Variants in FAM171B observed in about 807,000 individuals in gnomAD.
FAM171B encodes the protein protein FAM171B.
FAM171B carries 19 observed loss-of-function variants against 75.6 expected under a neutral mutation model. The observed-to-expected ratio is 0.25, with a 90% confidence interval of 0.18 to 0.37. FAM171B has a LOEUF of 0.37. Ranked by LOEUF, FAM171B falls within the 10% of genes least tolerant of loss-of-function variation. The pLI is 1.00. For missense variants in FAM171B, 848 were observed against 982.4 expected (o/e 0.86, Z 1.83); for synonymous variants, 367 against 361.7 (o/e 1.01, Z -0.17).
chr2:186,758,218 TGTTA>T (rs1690561194), intron 6 of FAM171B, among the ~76,000 whole-genome samples: 1 of 152,180 alleles, frequency 6.6e-6, no homozygotes, highest in Non-Finnish European at 1.5e-5. Context: ...TAGATATAAC[TGTTA>T]CTGCTCTGCA....
At chr2:186,739,363 T>A (rs544139389) in intron 1 of FAM171B, among the ~76,000 whole-genome samples, 1 of 152,336 alleles carries the variant, frequency 6.6e-6, no homozygotes, top group African/African-American at 2.4e-5. Context: ...TTCATAAACT[T>A]ACTGAAACTT....
intron 1 of FAM171B, among the ~76,000 whole-genome samples, chr2:186,699,038 C>T (rs1176535457): frequency 6.6e-6 from 1 of 152,152 alleles, no homozygotes; most frequent in Non-Finnish European, 1.5e-5. Context: ...TTAATGGACA[C>T]TTAGGTTGCT....
intron 7 of FAM171B, 78 bp downstream of exon 7, chr2:186,761,314 A>T (rs1047099110): frequency 6.6e-7 from 1 of 1,519,442 alleles, no homozygotes; most frequent in Non-Finnish European, 8.8e-7. Flanking sequence ...TGAAAAGTTT[A>T]TTTGTAGAAA....
In FAM171B at chr2:186,762,352, C is replaced by T; in HGVS notation, c.2010C>T (p.Pro670=). Residue 670 remains proline (P), a synonymous_variant, in exon 8 of 8, where the codon CCC becomes CCT. Coordinates refer to ENST00000304698, the MANE Select transcript of FAM171B (RefSeq NM_177454.4). The surrounding 1 kb of genome is among the most constrained non-coding windows in gnomAD (Gnocchi z 4.0). The part of the protein sequence containing the change: ...ELSKGKPSPH[P]RAWFVSLDGK... Reference sequence around the variant, plus strand: ...CCAAAGGAAAGCCCTCCCCGCATCCCAGAGCCTGGTTTGTGTCTCTTGATG... The same window carrying T: ...CCAAAGGAAAGCCCTCCCCGCATCCTAGAGCCTGGTTTGTGTCTCTTGATG... The T allele has an allele frequency of 6.2e-7, 1 of 1,613,738 alleles. No individual in the cohort carries two copies. Among genetic ancestry groups the T allele is most frequent in the South Asian group, 1.1e-5 (1 of 91,082 alleles).
At chr2:186,707,697 T>C (rs533062390) in intron 1 of FAM171B, among the ~76,000 whole-genome samples, 1 of 152,166 alleles carries the variant, frequency 6.6e-6, no homozygotes, top group South Asian at 2.1e-4. Context: ...TGACAGGTTT[T>C]GTGCCTCAGT....
At chr2:186,730,687 A>G (rs959342541) in intron 1 of FAM171B, among the ~76,000 whole-genome samples, 1 of 152,190 alleles carries the variant, frequency 6.6e-6, no homozygotes, top group Non-Finnish European at 1.5e-5. Flanking sequence ...ATTGCATGTG[A>G]AAAAAATAAA....
chr2:186,741,859 G>T (rs953405165), intron 2 of FAM171B, among the ~76,000 whole-genome samples: 1 of 152,072 alleles, frequency 6.6e-6, no homozygotes, highest in Non-Finnish European at 1.5e-5. Flanking sequence ...CAGTGGACAG[G>T]CGTTCATGCA....
intron 1 of FAM171B, among the ~76,000 whole-genome samples, chr2:186,708,146 C>T (rs533141411): frequency 6.6e-6 from 1 of 152,186 alleles, no homozygotes; most frequent in South Asian, 2.1e-4. Flanking sequence ...GAGCTGGCTT[C>T]TCCAGAGTAT....
Position 186,694,398 on chromosome 2 carries a change from C to T in FAM171B, c.225C>T (p.Thr75=), listed in dbSNP as rs777944272. 2 of 1,612,462 alleles carry T rather than the reference C, an allele frequency of 1.2e-6. No individual in the cohort carries two copies. Among genetic ancestry groups the T allele is most frequent in the Non-Finnish European group, 1.7e-6 (2 of 1,179,408 alleles). Residue 75 remains threonine, a synonymous_variant, in exon 1 of 8, where the codon ACC becomes ACT. Coordinates refer to ENST00000304698, the MANE Select transcript of FAM171B (RefSeq NM_177454.4). The stretch of plus-strand genomic sequence containing the variant: ...CAGAGGTGCCTGGGGCAACCTCCAC[C>T]TTGACGGTTCCAGGTAGGTCCTGGC... The part of the protein sequence containing the change: ...ERTEVPGATS[T]LTVPVSVFML...
chr2:186,694,458 C>T (rs767967408), intron 1 of FAM171B, 47 bp downstream of exon 1: 1 of 1,565,030 alleles, frequency 6.4e-7, no homozygotes, highest in Non-Finnish European at 8.7e-7. Flanking sequence ...GGCCGGCGAT[C>T]TCTTAGGGCC....
intron 6 of FAM171B, 58 bp from the exon 7 acceptor site, chr2:186,761,055 A>G (rs1289785449): frequency 2.6e-6 from 4 of 1,548,802 alleles, no homozygotes; most frequent in Non-Finnish European, 3.5e-6. Context: ...AGGATGTGAC[A>G]TAGTTGAGAA....
At chr2:186,727,770 T>C (rs1344646246) in intron 1 of FAM171B, among the ~76,000 whole-genome samples, 2 of 152,164 alleles carry the variant, frequency 1.3e-5, no homozygotes, top group Non-Finnish European at 2.9e-5. Flanking sequence ...GAAACCATGA[T>C]GGTTATGTTT....
chr2:186,694,066 T>G lies in FAM171B; in HGVS notation c.-108T>G. 1 of 1,349,764 alleles carries G rather than the reference T, an allele frequency of 7.4e-7. No individual in the cohort carries two copies. The highest frequency in any genetic ancestry group is 1.7e-5 in the South Asian group (1 of 58,264). 83.6% of individuals were successfully genotyped at this position (1,349,764 alleles called of 1,614,324 possible). ...GCCGGTGAGGGAGTGCTTGGCAGAT[T>G]GCGCGAGGGGGAGCGAGCGAGCGGG... On this transcript the variant is annotated 5_prime_UTR_variant, in exon 1 of 8. It adds an upstream start codon to the 5' untranslated region. Coordinates refer to ENST00000304698, the MANE Select transcript of FAM171B (RefSeq NM_177454.4).
At chr2:186,697,898 T>A (rs946033722) in intron 1 of FAM171B, among the ~76,000 whole-genome samples, 1 of 152,198 alleles carries the variant, frequency 6.6e-6, no homozygotes, top group Non-Finnish European at 1.5e-5. Flanking sequence ...GAACATTTTT[T>A]AAAAATCAGG....
chr2:186,711,665 C>T (rs1307539255), intron 1 of FAM171B, among the ~76,000 whole-genome samples: 2 of 151,570 alleles, frequency 1.3e-5, no homozygotes, highest in Non-Finnish European at 2.9e-5. Flanking sequence ...TTTTTTGCCT[C>T]AGCAAATTCT....
At chr2:186,754,193 T>C in intron 6 of FAM171B, 144 bp downstream of exon 6, 2 of 584,642 alleles carry the variant, frequency 3.4e-6, no homozygotes, top group Non-Finnish European at 3.0e-6. Context: ...CAGCTTATTT[T>C]TTTTTCATGT....
chr2:186,761,823 C>T lies in FAM171B; in HGVS notation c.1481C>T (p.Pro494Leu). ...SLEPNVGSKQ[P>L]KHINNNLSSS... ...GAGCCCAATGTAGGGTCCAAACAAC[C>T]TAAACATATTAACAACAATCTATCT... is the stretch of plus-strand genomic sequence containing the variant. Residue 494 changes from proline to leucine, a missense_variant, in exon 8 of 8, where the codon CCT becomes CTT. By Grantham distance (98) the Pro-to-Leu change is moderately conservative. Transcript: ENST00000304698. 2 of 1,613,088 alleles carry T rather than the reference C, an allele frequency of 1.2e-6. No homozygotes were observed. Among genetic ancestry groups the T allele is most frequent in the Non-Finnish European group, 1.7e-6 (2 of 1,179,726 alleles).
chr2:186,745,815 C>T (rs963982459), intron 3 of FAM171B, among the ~76,000 whole-genome samples: 6 of 152,144 alleles, frequency 3.9e-5, no homozygotes, highest in Non-Finnish European at 7.4e-5. Context: ...AATTAAGCCA[C>T]GTATTTTAAA....
At chr2:186,744,680 A>G (rs1193213746) in intron 3 of FAM171B, among the ~76,000 whole-genome samples, 1 of 152,056 alleles carries the variant, frequency 6.6e-6, no homozygotes, top group Non-Finnish European at 1.5e-5. Context: ...GGCATGTGCC[A>G]CCACACCCAG....
Sources: gnomAD v4.1 joint callset for allele counts (sites outside exome capture counted in the v4.1 genomes callset) on GRCh38, gnomAD v4.1.1 for gene constraint, Gnocchi (gnomAD v3.1) non-coding constraint, MANE v1.5 for transcripts, NCBI Gene and HGNC (gene_info 2026-07-23, HGNC 2026-07-21) for gene names.